The following RECK variants were observed in gnomAD, a reference collection of about 807,000 sequenced individuals.
RECK encodes reversion-inducing cysteine-rich protein with Kazal motifs.
RECK carries 69 observed loss-of-function variants against 115.1 expected under a neutral mutation model. That is an observed-to-expected ratio of 0.60 (90% CI 0.49 to 0.73). The LOEUF is 0.73. Among genes scored for constraint, RECK ranks in the 30% least tolerant of loss-of-function variants. The pLI, the probability that RECK is intolerant of heterozygous loss-of-function variation, is 0.00. For missense variants in RECK, 1,047 were observed against 1,203.7 expected, an observed-to-expected ratio of 0.87 and a Z score of 1.93; for synonymous variants, 414 against 419.7, an observed-to-expected ratio of 0.99 and a Z score of 0.17.
intron 17 of RECK, 31 bp from the exon 18 acceptor site, chr9:36,118,726 T>C (rs762463711): frequency 3.1e-6 from 5 of 1,604,214 alleles, no homozygotes; most frequent in Non-Finnish European, 4.3e-6. Flanking sequence ...CATAGACATT[T>C]CCAGGCTAAA....
intron 2 of RECK, among the ~76,000 whole-genome samples, chr9:36,053,473 A>C (rs572546569): frequency 9.2e-5 from 14 of 152,334 alleles, no homozygotes; most frequent in Admixed American, 3.9e-4. Context: ...ATTATAAGAC[A>C]TGACACTGAT....
At chr9:36,055,579 T>C (rs1821491488) in intron 2 of RECK, among the ~76,000 whole-genome samples, 1 of 152,178 alleles carries the variant, frequency 6.6e-6, no homozygotes, top group South Asian at 2.1e-4. Context: ...AATTGAAATA[T>C]AGAAGACTTA....
chr9:36,064,899 A>T (rs1821925600), intron 5 of RECK, among the ~76,000 whole-genome samples: 1 of 152,058 alleles, frequency 6.6e-6, no homozygotes, highest in South Asian at 2.1e-4. Flanking sequence ...CATGTGGAAA[A>T]ACAGCCACCC....
chr9:36,073,701 A>T (rs1039920780), intron 6 of RECK, among the ~76,000 whole-genome samples: 1 of 152,156 alleles, frequency 6.6e-6, no homozygotes, highest in Non-Finnish European at 1.5e-5. Flanking sequence ...CAGTATCCCA[A>T]GCTTTTCTCA....
At chr9:36,093,759 G>A (rs776424094) in intron 10 of RECK, among the ~76,000 whole-genome samples, 1 of 152,020 alleles carries the variant, frequency 6.6e-6, no homozygotes, top group Non-Finnish European at 1.5e-5. Context: ...CTTAGTAAAC[G>A]CTAAGTCAGA....
intron 6 of RECK, among the ~76,000 whole-genome samples, chr9:36,074,215 C>T (rs1176514442): frequency 2.0e-5 from 3 of 152,284 alleles, no homozygotes; most frequent in East Asian, 3.9e-4. Flanking sequence ...TAGCATTTGT[C>T]GCTCTATAGC....
chr9:36,052,408 G>A, intron 2 of RECK, 85 bp downstream of exon 2: 1 of 992,498 alleles, frequency 1.0e-6, no homozygotes, highest in Non-Finnish European at 1.6e-6. Flanking sequence ...CAGGGTGGGA[G>A]GATTGCTTAA....
chr9:36,078,387 G>A (rs1331185951), intron 6 of RECK, among the ~76,000 whole-genome samples: 1 of 152,230 alleles, frequency 6.6e-6, no homozygotes, highest in African/African-American at 2.4e-5. Context: ...TAAACATCCA[G>A]GTTGAACAAA....
intron 7 of RECK, among the ~76,000 whole-genome samples, chr9:36,081,286 A>G (rs1822679197): frequency 6.6e-6 from 1 of 152,200 alleles, no homozygotes; most frequent in South Asian, 2.1e-4. Context: ...TTGAAGGATA[A>G]TAAGAAACAT....
chr9:36,091,039 G>T lies in RECK; in HGVS notation c.906-125G>T, dbSNP rs1186683027. 4 of 741,834 alleles carry T rather than the reference G, an allele frequency of 5.4e-6. No individual in the cohort carries two copies. The East Asian group carries it at 1.2e-4, about 23-fold the overall frequency. The allele number at this position is 741,834 out of a possible 1,614,324, so 46.0% of individuals were successfully genotyped here. A position where few individuals can be genotyped will look rare whatever the true frequency, so the allele number is the denominator to read the frequency against. On this transcript the variant is annotated intron_variant, in intron 9 of 20. Transcript: ENST00000377966. The stretch of plus-strand genomic sequence containing the variant: ...TCTAGTTTCTAGGAAATAGTCATTT[G>T]GTTTTTTTACTTTTTTTCTCACATA...
intron 6 of RECK, among the ~76,000 whole-genome samples, chr9:36,076,292 A>G (rs1195421044): frequency 2.0e-5 from 3 of 152,172 alleles, no homozygotes; most frequent in Non-Finnish European, 4.4e-5. Flanking sequence ...TTCCTATTTT[A>G]AAAATCAATA....
Position 36,083,524 on chromosome 9 carries a change from A to T in RECK, c.599A>T (p.Asn200Ile), listed in dbSNP as rs774567853. 4 of 1,613,804 alleles carry T rather than the reference A, an allele frequency of 2.5e-6. No individual in the cohort carries two copies. The highest frequency in any genetic ancestry group is 3.4e-6 in the Non-Finnish European group (4 of 1,179,884). Residue 200 changes from asparagine to isoleucine, a missense_variant, in exon 8 of 21, where the codon AAT (asparagine) becomes ATT (isoleucine). Physicochemically the swap from Asn to Ile is moderately radical, Grantham distance 149 (BLOSUM62 -3). Transcript: ENST00000377966. ...CCACAATTAATACATTGTGTGAACA[A>T]TTATACTCAATCTTATCCAATGAGG... ...ISPQLIHCVN[N>I]YTQSYPMRNP... is the part of the protein sequence containing the mutation.
At chr9:36,041,496 G>A (rs1383556909) in intron 1 of RECK, among the ~76,000 whole-genome samples, 2 of 152,160 alleles carry the variant, frequency 1.3e-5, no homozygotes, top group African/African-American at 4.8e-5. Context: ...CAATGTCTAG[G>A]TTACAGCTCT....
chr9:36,100,708 C>G (rs1006531425), intron 11 of RECK, among the ~76,000 whole-genome samples, 165 bp downstream of exon 11: 2 of 152,214 alleles, frequency 1.3e-5, no homozygotes, highest in African/African-American at 4.8e-5. Flanking sequence ...AAATACTGCT[C>G]CCCTCATCAC....
chr9:36,083,621 G>C, intron 8 of RECK, 59 bp downstream of exon 8: 1 of 1,524,910 alleles, frequency 6.6e-7, no homozygotes, highest in South Asian at 1.2e-5. Flanking sequence ...TTTGTAAAAA[G>C]AAGTGATACG....
At chr9:36,075,517 A>G (rs570194832) in intron 6 of RECK, among the ~76,000 whole-genome samples, 1 of 152,232 alleles carries the variant, frequency 6.6e-6, no homozygotes, top group Non-Finnish European at 1.5e-5. Flanking sequence ...AAGTCATGAC[A>G]TTAAACTCCT....
chr9:36,078,528 C>G (rs1292324228), intron 6 of RECK, among the ~76,000 whole-genome samples: 2 of 152,180 alleles, frequency 1.3e-5, no homozygotes, highest in Non-Finnish European at 2.9e-5. Context: ...CTCTACTCAC[C>G]AGATGCCAGT....
chr9:36,113,451 A>G (rs1309677653), intron 16 of RECK, among the ~76,000 whole-genome samples: 1 of 152,226 alleles, frequency 6.6e-6, no homozygotes, highest in Non-Finnish European at 1.5e-5. Context: ...CGCAATGCAT[A>G]AGAAATAAGC....
chr9:36,070,301 A>C (rs558988167), intron 6 of RECK, among the ~76,000 whole-genome samples: 26 of 152,282 alleles, frequency 1.7e-4, no homozygotes, highest in African/African-American at 6.3e-4. Flanking sequence ...GGGTCTTTAC[A>C]CTAAAAGACC....
Sources: allele counts gnomAD v4.1 joint callset (sites outside exome capture counted in the v4.1 genomes callset), GRCh38; gene constraint gnomAD v4.1.1; transcripts MANE v1.5; gene names NCBI Gene and HGNC (gene_info 2026-07-23, HGNC 2026-07-21).